Variants in PPP2R2B observed in about 807,000 individuals in gnomAD.
The protein encoded by PPP2R2B is protein phosphatase 2 regulatory subunit Bbeta.
PPP2R2B carries 5 observed loss-of-function variants against 46.0 expected under a neutral mutation model. That is an observed-to-expected ratio of 0.11 (90% CI 0.06 to 0.23). PPP2R2B has a LOEUF of 0.23. Ranked by LOEUF, PPP2R2B falls within the 10% of genes least tolerant of loss-of-function variation. PPP2R2B has a pLI of 1.00. For missense variants in PPP2R2B, 367 were observed against 575.0 expected (o/e 0.64, Z 3.70); for synonymous variants, 215 against 206.7 (o/e 1.04, Z -0.34).
intron 2 of PPP2R2B, among the ~76,000 whole-genome samples, chr5:146,777,054 A>T (rs1285882581): frequency 6.6e-6 from 1 of 152,110 alleles, no homozygotes; most frequent in Admixed American, 6.6e-5. Context: ...GGAATGTAAA[A>T]TAATGCAGCT....
Position 146,698,073 on chromosome 5 carries a change from G to A in PPP2R2B, c.240C>T (p.Phe80=), listed in dbSNP as rs778750788. ...CTATTTCTAAACTCTTCAGGTAATC[G>A]AACTCGGGTTCATGGCTCTGGAATG... ...YSTFQSHEPE[F]DYLKSLEIEE... The change falls in exon 4 of 10, where the codon TTC becomes TTT. Residue 80 remains phenylalanine (F), a synonymous_variant. Transcript: ENST00000394411. 11 of 1,612,154 alleles carry A rather than the reference G, an allele frequency of 6.8e-6. No homozygotes were observed. Among genetic ancestry groups the A allele is most frequent in the Admixed American group, 1.7e-5 (1 of 59,780 alleles).
chr5:146,741,238 T>A (rs1026557841), intron 2 of PPP2R2B, among the ~76,000 whole-genome samples: 2 of 152,174 alleles, frequency 1.3e-5, no homozygotes, highest in African/African-American at 2.4e-5. Flanking sequence ...GCAACCCCCC[T>A]TTCTCCATGT....
At chr5:146,808,860 T>C (rs1757351175) in intron 2 of PPP2R2B, among the ~76,000 whole-genome samples, 1 of 152,224 alleles carries the variant, frequency 6.6e-6, no homozygotes, top group Non-Finnish European at 1.5e-5. Context: ...TCAACATTTA[T>C]CTCTATAGGA....
intron 2 of PPP2R2B, among the ~76,000 whole-genome samples, chr5:146,749,305 C>T (rs748464942): frequency 3.6e-4 from 55 of 152,230 alleles, no homozygotes; most frequent in Middle Eastern, 3.4e-3. Flanking sequence ...CTTTGTCCGA[C>T]ATGTGGTTTT....
chr5:146,874,973 G>A (rs1761815854), intron 2 of PPP2R2B, among the ~76,000 whole-genome samples: 1 of 152,196 alleles, frequency 6.6e-6, no homozygotes, highest in Non-Finnish European at 1.5e-5. Flanking sequence ...CTTATACACT[G>A]AGATAAAACC....
At chr5:147,017,772 A>T (rs1250527741) in intron 1 of PPP2R2B, among the ~76,000 whole-genome samples, 1 of 152,128 alleles carries the variant, frequency 6.6e-6, no homozygotes. Flanking sequence ...AGTGAGAAGG[A>T]AAACAAGACA....
chr5:146,725,894 A>G (rs1751834755), intron 2 of PPP2R2B, among the ~76,000 whole-genome samples: 1 of 152,220 alleles, frequency 6.6e-6, no homozygotes, highest in African/African-American at 2.4e-5. Context: ...TGTGCCTAGC[A>G]TGGCACATGG....
chr5:146,617,370 G>A (rs980711156), intron 7 of PPP2R2B, among the ~76,000 whole-genome samples: 2 of 152,122 alleles, frequency 1.3e-5, no homozygotes, highest in East Asian at 1.9e-4. Context: ...TAACCAGATC[G>A]TTTGTAACAT....
At chr5:146,629,827 C>T (rs1352259826) in intron 7 of PPP2R2B, among the ~76,000 whole-genome samples, 1 of 151,528 alleles carries the variant, frequency 6.6e-6, no homozygotes, top group Admixed American at 6.6e-5. Flanking sequence ...CTCTCCCTCT[C>T]CCTTGCCCTC....
intron 2 of PPP2R2B, among the ~76,000 whole-genome samples, chr5:146,841,392 A>T (rs1353907664): frequency 6.6e-6 from 1 of 152,118 alleles, no homozygotes; most frequent in African/African-American, 2.4e-5. Context: ...TCACATACAC[A>T]CAAAAGAAAG....
At chr5:146,818,702 A>C (rs1758080189) in intron 2 of PPP2R2B, among the ~76,000 whole-genome samples, 1 of 152,206 alleles carries the variant, frequency 6.6e-6, no homozygotes, top group Non-Finnish European at 1.5e-5. Context: ...AGAGAGACTA[A>C]GTAGCTTGGC....
intron 2 of PPP2R2B, among the ~76,000 whole-genome samples, chr5:146,765,945 T>G (rs1448224868): frequency 6.6e-6 from 1 of 152,216 alleles, no homozygotes. Context: ...GTGTTTAGAC[T>G]GGTTGTTTTG....
intron 1 of PPP2R2B, among the ~76,000 whole-genome samples, chr5:146,938,359 G>T (rs1028630757): frequency 2.6e-5 from 4 of 152,106 alleles, no homozygotes; most frequent in African/African-American, 9.7e-5. Flanking sequence ...CTGATTCCCT[G>T]GTTGACATGA....
rs1000023041 is a variant in PPP2R2B, at chr5:146,588,767, T to C, written c.*1180A>G. On this transcript the variant is annotated 3_prime_UTR_variant, in exon 10 of 10. Transcript: ENST00000394411. Reference sequence around the variant, plus strand: ...CACAGCTGCTTGATTTCCCCACAGTTCATTTCTGTAGAAGAGAGCCTTCTG... The same window carrying C: ...CACAGCTGCTTGATTTCCCCACAGTCCATTTCTGTAGAAGAGAGCCTTCTG... The C allele has an allele frequency of 2.0e-5, 3 of 152,208 alleles. No individual in the cohort carries two copies. The highest frequency in any genetic ancestry group is 7.2e-5 in the African/African-American group (3 of 41,458). The allele number at this position is 152,208 out of a possible 1,614,324, so 9.4% of individuals were successfully genotyped here.
chr5:147,048,656 T>G (rs1473440448), intron 1 of PPP2R2B, among the ~76,000 whole-genome samples: 1 of 152,138 alleles, frequency 6.6e-6, no homozygotes, highest in Non-Finnish European at 1.5e-5. Flanking sequence ...ATAACAATAC[T>G]TTGATATATT....
At chr5:146,740,557 A>G (rs1752805586) in intron 2 of PPP2R2B, among the ~76,000 whole-genome samples, 1 of 146,708 alleles carries the variant, frequency 6.8e-6, no homozygotes, top group South Asian at 2.2e-4. Flanking sequence ...TGCCAAATTA[A>G]TATTTTAAAA....
At chr5:146,729,977 C>T (rs1422286011) in intron 2 of PPP2R2B, among the ~76,000 whole-genome samples, 1 of 152,126 alleles carries the variant, frequency 6.6e-6, no homozygotes, top group South Asian at 2.1e-4. Flanking sequence ...TCCTCTAGAC[C>T]CCATAATGGT....
chr5:147,080,429 T>G (rs1318829032), intron 2 of PPP2R2B, among the ~76,000 whole-genome samples: 1 of 152,132 alleles, frequency 6.6e-6, no homozygotes, highest in Admixed American at 6.5e-5. Flanking sequence ...TTGCCTATCA[T>G]CCAGTGTTTT....
chr5:146,878,222 GAA>G lies in PPP2R2B; in HGVS notation c.-124-29_-124-28del. The G allele has an allele frequency of 6.5e-7, 1 of 1,534,604 alleles. No individual in the cohort carries two copies. The highest frequency in any genetic ancestry group is 8.8e-7 in the Non-Finnish European group (1 of 1,141,722). The stretch of plus-strand genomic sequence containing the variant: ...TGAGGAGGAGACGGGGAGGCGGAGA[GAA>G]AAAAAATAAAAACCCGGCAATGGAG... On this transcript the variant is annotated intron_variant, in intron 1 of 9. Transcript: ENST00000394411. This position sits in a 1 kb window ranked among gnomAD's most constrained non-coding sequence, Gnocchi z 4.5.
Sources: allele counts gnomAD v4.1 joint callset (sites outside exome capture counted in the v4.1 genomes callset), GRCh38; gene constraint gnomAD v4.1.1; non-coding constraint Gnocchi (gnomAD v3.1); transcripts MANE v1.5; gene names NCBI Gene and HGNC (gene_info 2026-07-23, HGNC 2026-07-21).